Variants in ROBO1 observed in about 807,000 individuals in gnomAD.
ROBO1 encodes roundabout guidance receptor 1, also known as roundabout homolog 1.
In ROBO1, 149 loss-of-function variants were observed where a neutral mutation model predicts 195.9. The observed-to-expected ratio is 0.76, with a 90% CI of 0.67 to 0.87. ROBO1 has a LOEUF of 0.87. Among genes scored for constraint, ROBO1 ranks in the 40% least tolerant of loss-of-function variants. The probability of loss-of-function intolerance (pLI) is 0.00; values close to 1 mark genes in which losing one functional copy is unlikely to be tolerated. For synonymous variants in ROBO1, 816 were observed against 733.2 expected, an observed-to-expected ratio of 1.11 and a Z score of -1.82; for missense variants, 1,933 against 2,068.3, an observed-to-expected ratio of 0.93 and a Z score of 1.27.
intron 27 of ROBO1, among the ~76,000 whole-genome samples, chr3:78,616,699 C>A (rs1300648250): frequency 6.6e-6 from 1 of 152,008 alleles, no homozygotes; most frequent in Non-Finnish European, 1.5e-5. Flanking sequence ...GTATCTCTTT[C>A]TTGCTGATCA....
At chr3:78,759,830 C>G (rs866315651) in intron 4 of ROBO1, among the ~76,000 whole-genome samples, 6 of 143,638 alleles carry the variant, frequency 4.2e-5, no homozygotes, top group Admixed American at 6.9e-5. Context: ...AAACAGCATG[C>G]CTTTTAACGT....
intron 2 of ROBO1, among the ~76,000 whole-genome samples, chr3:79,434,709 C>T (rs1033970778): frequency 9.2e-5 from 14 of 152,164 alleles, no homozygotes; most frequent in African/African-American, 2.9e-4. Flanking sequence ...CATCCCATTA[C>T]TGGGTATATA....
intron 2 of ROBO1, among the ~76,000 whole-genome samples, chr3:79,242,025 C>G (rs2082529245): frequency 6.6e-6 from 1 of 150,526 alleles, no homozygotes; most frequent in African/African-American, 2.4e-5. Flanking sequence ...ACTTGGGCAT[C>G]AGAATGTGAA....
At chr3:79,380,301 C>T (rs139354997) in intron 2 of ROBO1, among the ~76,000 whole-genome samples, 13 of 152,198 alleles carry the variant, frequency 8.5e-5, no homozygotes, top group African/African-American at 2.9e-4. Context: ...TACAGTTAAT[C>T]CCTCTATGCA....
intron 8 of ROBO1, among the ~76,000 whole-genome samples, chr3:78,701,188 C>T (rs994301118): frequency 9.9e-5 from 15 of 152,102 alleles, no homozygotes; most frequent in Admixed American, 6.6e-4. Flanking sequence ...GTCTCCATGA[C>T]CTAAACAAAA....
At chr3:79,386,930 T>C (rs1373508922) in intron 2 of ROBO1, among the ~76,000 whole-genome samples, 2 of 152,118 alleles carry the variant, frequency 1.3e-5, no homozygotes, top group Non-Finnish European at 2.9e-5. Flanking sequence ...AGCTTCACTC[T>C]TATGTATTAC....
chr3:79,246,484 C>T (rs532915027), intron 2 of ROBO1, among the ~76,000 whole-genome samples: 1 of 152,150 alleles, frequency 6.6e-6, no homozygotes, highest in South Asian at 2.1e-4. Flanking sequence ...CCTGATTTAT[C>T]ATCCTGGTTG....
intron 3 of ROBO1, among the ~76,000 whole-genome samples, chr3:79,101,229 T>A (rs2079669905): frequency 6.6e-6 from 1 of 151,740 alleles, no homozygotes; most frequent in African/African-American, 2.4e-5. Flanking sequence ...CTAATGATAT[T>A]CATGAGTTAA....
At chr3:78,792,019 A>G (rs916741288) in intron 4 of ROBO1, among the ~76,000 whole-genome samples, 3 of 152,084 alleles carry the variant, frequency 2.0e-5, no homozygotes, top group African/African-American at 7.2e-5. Context: ...GTGATGTTAC[A>G]TTGCTTCAGG....
At chr3:78,695,114 T>C (rs2081256627) in intron 8 of ROBO1, among the ~76,000 whole-genome samples, 1 of 87,244 alleles carries the variant, frequency 1.1e-5, no homozygotes, top group Non-Finnish European at 2.1e-5. Flanking sequence ...TTAAGAACTT[T>C]AGGCTGGGGT....
At chr3:79,016,221 C>T (rs967611767) in intron 3 of ROBO1, among the ~76,000 whole-genome samples, 3 of 152,212 alleles carry the variant, frequency 2.0e-5, no homozygotes, top group African/African-American at 7.2e-5. Context: ...ATGAAATCAC[C>T]CTACTAGCTC....
intron 2 of ROBO1, among the ~76,000 whole-genome samples, chr3:79,504,920 G>C (rs1262943659): frequency 6.6e-6 from 1 of 151,828 alleles, no homozygotes; most frequent in Non-Finnish European, 1.5e-5. Context: ...TGAAGTTCTG[G>C]CATAATTTTC....
intron 2 of ROBO1, among the ~76,000 whole-genome samples, chr3:79,380,307 A>G (rs1036446598): frequency 1.3e-5 from 2 of 152,092 alleles, no homozygotes; most frequent in Non-Finnish European, 2.9e-5. Flanking sequence ...TAATCCCTCT[A>G]TGCAAGTGGC....
intron 1 of ROBO1, among the ~76,000 whole-genome samples, chr3:79,730,514 C>A (rs1180953191): frequency 6.6e-6 from 1 of 151,908 alleles, no homozygotes; most frequent in South Asian, 2.1e-4. Context: ...AAGTTTCATC[C>A]CCTCTCCACT....
At chr3:78,765,851 C>CTGAT (rs1469984089) in intron 4 of ROBO1, among the ~76,000 whole-genome samples, 2 of 152,116 alleles carry the variant, frequency 1.3e-5, no homozygotes, top group African/African-American at 4.8e-5. Context: ...ACATCCCTTG[C>CTGAT]TGATAGATAG....
chr3:78,604,359 A>G (rs569600665), intron 29 of ROBO1, among the ~76,000 whole-genome samples: 14 of 152,218 alleles, frequency 9.2e-5, no homozygotes, highest in Admixed American at 4.6e-4. Flanking sequence ...GTGAGCCACC[A>G]CACCCAGCCA....
chr3:79,093,735 G>A (rs1259083815), intron 3 of ROBO1, among the ~76,000 whole-genome samples: 1 of 151,888 alleles, frequency 6.6e-6, no homozygotes, highest in East Asian at 1.9e-4. Flanking sequence ...ATAGAATACA[G>A]AAGTTGTACC....
In ROBO1 at chr3:79,324,207, T is replaced by C. The variant is rs146661045; in HGVS notation, c.89-198668A>G. Among the ~76,000 whole-genome samples, 15 of 152,320 alleles carry C rather than the reference T, an allele frequency of 9.8e-5. No homozygotes were observed. In the East Asian group the frequency reaches 2.7e-3, roughly 27 times the overall value. ...TGTGCCTGTACTCTAATAATGCCTG[T>C]TCTACAATCTCAGGAAGATTAATGT... On this transcript the variant is annotated intron_variant, in intron 2 of 30. Transcript: ENST00000464233.
intron 2 of ROBO1, among the ~76,000 whole-genome samples, chr3:79,296,936 T>G (rs2032627121): frequency 1.3e-5 from 2 of 152,188 alleles, no homozygotes; most frequent in Admixed American, 1.3e-4. Flanking sequence ...AAAACAAGTT[T>G]TAAACCTATG....
Sources: allele counts gnomAD v4.1 joint callset (sites outside exome capture counted in the v4.1 genomes callset), GRCh38; gene constraint gnomAD v4.1.1; transcripts MANE v1.5; gene names NCBI Gene and HGNC (gene_info 2026-07-23, HGNC 2026-07-21).